Variants in FRMD4A observed in about 807,000 individuals in gnomAD.
FRMD4A encodes the protein FERM domain-containing protein 4A.
Under a neutral mutation model 129.1 loss-of-function variants are expected in FRMD4A, and 29 were observed. That is an observed-to-expected ratio of 0.22 (90% CI 0.17 to 0.31). The LOEUF (loss-of-function observed/expected upper bound fraction) is 0.31, where lower values mean the gene tolerates loss of function less well. Among genes scored for constraint, FRMD4A ranks in the 10% least tolerant of loss-of-function variants. FRMD4A has a pLI of 1.00. For missense variants in FRMD4A, 1,272 were observed against 1,375.8 expected (o/e 0.92, Z 1.19); for synonymous variants, 634 against 571.6 (o/e 1.11, Z -1.56).
At position 13,847,228 on chromosome 10, in the gene FRMD4A, A is replaced by T. The variant is rs542991027; in HGVS notation, c.111+11619T>A. On this transcript the variant is annotated intron_variant, in intron 3 of 24. Transcript: ENST00000357447. ...GCCACCGAGGTGTTCAGTCACAAAGACCTAGTGGGCGGCCCCAGGGGTGGG... is the reference window on the plus strand; with the variant it reads ...GCCACCGAGGTGTTCAGTCACAAAGTCCTAGTGGGCGGCCCCAGGGGTGGG... Among the ~76,000 whole-genome samples the T allele has an allele frequency of 2.4e-4, 36 of 152,220 alleles. 1 individual carries two copies. The South Asian group carries it at 7.5e-3, about 32-fold the overall frequency.
chr10:14,196,164 T>TAC (rs10536108), intron 2 of FRMD4A, among the ~76,000 whole-genome samples: 2,583 of 149,566 alleles, frequency 0.017, 34 homozygotes, highest in African/African-American at 0.043. Context: ...TGCACACACA[T>TAC]ACACACACAC....
chr10:13,696,993 T>C (rs2086285366), intron 14 of FRMD4A, among the ~76,000 whole-genome samples: 1 of 152,208 alleles, frequency 6.6e-6, no homozygotes, highest in South Asian at 2.1e-4. Flanking sequence ...ACCAGATATT[T>C]TGGGGACCTC....
intron 2 of FRMD4A, chr10:13,971,824 C>T: frequency 2.3e-6 from 3 of 1,304,188 alleles, no homozygotes; most frequent in Non-Finnish European, 3.0e-6. Flanking sequence ...CTGCCGCCAA[C>T]CCTCTGGTCC....
intron 2 of FRMD4A, among the ~76,000 whole-genome samples, chr10:14,242,482 TA>T (rs1256232985): frequency 6.6e-6 from 1 of 152,206 alleles, no homozygotes; most frequent in African/African-American, 2.4e-5. Context: ...CCCGCAGGTA[TA>T]AGTAGTATAT....
At chr10:14,083,146 AG>A (rs1279952386) in intron 2 of FRMD4A, 1 of 152,220 alleles carries the variant, frequency 6.6e-6, no homozygotes, top group Non-Finnish European at 1.5e-5. Flanking sequence ...CCTTGTCACA[AG>A]CACCTCAGGT....
At chr10:14,218,526 C>T (rs1843143728) in intron 2 of FRMD4A, among the ~76,000 whole-genome samples, 1 of 152,164 alleles carries the variant, frequency 6.6e-6, no homozygotes, top group Non-Finnish European at 1.5e-5. Flanking sequence ...ATGTGATTCG[C>T]TTACATTGCG....
chr10:13,663,617 C>T, intron 18 of FRMD4A, 108 bp from the exon 19 acceptor site: 1 of 692,094 alleles, frequency 1.4e-6, no homozygotes, highest in Non-Finnish European at 2.7e-6. Context: ...CTCTTCCTAA[C>T]CAGAAACAAC....
At chr10:13,685,985 C>A (rs978593273) in intron 15 of FRMD4A, among the ~76,000 whole-genome samples, 1 of 152,190 alleles carries the variant, frequency 6.6e-6, no homozygotes. Context: ...ACTCTGTCTC[C>A]CTCTCAATTT....
At chr10:13,970,776 A>G (rs552576942) in intron 2 of FRMD4A, among the ~76,000 whole-genome samples, 6 of 152,324 alleles carry the variant, frequency 3.9e-5, no homozygotes, top group Admixed American at 6.5e-5. Context: ...CTCCGCGGCC[A>G]GCAGGGACGT....
intron 2 of FRMD4A, among the ~76,000 whole-genome samples, chr10:13,922,088 G>A (rs1158989048): frequency 6.6e-6 from 1 of 152,152 alleles, no homozygotes; most frequent in Non-Finnish European, 1.5e-5. Context: ...ACAGCAAGAA[G>A]GTGGCCGTCT....
At chr10:13,755,761 C>T (rs142942602) in intron 8 of FRMD4A, among the ~76,000 whole-genome samples, 25 of 152,308 alleles carry the variant, frequency 1.6e-4, no homozygotes, top group African/African-American at 3.8e-4. Flanking sequence ...ATTTCTTAGC[C>T]GACACTCACT....
intron 3 of FRMD4A, among the ~76,000 whole-genome samples, chr10:13,835,428 C>T (rs2093857184): frequency 6.6e-6 from 1 of 152,160 alleles, no homozygotes; most frequent in African/African-American, 2.4e-5. Context: ...ACCCCCAGGG[C>T]CACGGACCAG....
chr10:13,963,823 G>A lies in FRMD4A; in HGVS notation c.46-104911C>T, dbSNP rs536297366. 2.0e-5 allele frequency among the ~76,000 whole-genome samples: 3 copies of A among 152,226 alleles called. No homozygotes were observed. The South Asian group carries it at 6.2e-4, about 32-fold the overall frequency. On this transcript the variant is annotated intron_variant, in intron 2 of 24. Coordinates refer to ENST00000357447, the MANE Select transcript of FRMD4A (RefSeq NM_018027.5). ...ATTCAGTATCTATAGGTCATTGCAG[G>A]CCTGGCTCTGTGGTCTCCAGACAGC... is the stretch of plus-strand genomic sequence containing the variant.
chr10:13,885,317 A>C (rs551547952), intron 2 of FRMD4A, among the ~76,000 whole-genome samples: 1 of 152,346 alleles, frequency 6.6e-6, no homozygotes, highest in African/African-American at 2.4e-5. Flanking sequence ...AAAGCAACCA[A>C]GGCTCAGAGA....
At chr10:14,188,606 T>A (rs1438784722) in intron 2 of FRMD4A, among the ~76,000 whole-genome samples, 1 of 152,218 alleles carries the variant, frequency 6.6e-6, no homozygotes, top group Non-Finnish European at 1.5e-5. Context: ...AGACATTAGC[T>A]TTCTTCAAAG....
intron 2 of FRMD4A, among the ~76,000 whole-genome samples, chr10:14,274,861 T>C (rs1338908990): frequency 6.6e-6 from 1 of 152,214 alleles, no homozygotes; most frequent in African/African-American, 2.4e-5. Flanking sequence ...AGGAGTCACC[T>C]GACCCTTCCT....
chr10:14,233,235 C>A (rs1843694435), intron 2 of FRMD4A, among the ~76,000 whole-genome samples: 1 of 152,118 alleles, frequency 6.6e-6, no homozygotes, highest in Non-Finnish European at 1.5e-5. Flanking sequence ...AAATACATAT[C>A]CTCAGAAGCA....
intron 2 of FRMD4A, among the ~76,000 whole-genome samples, chr10:14,031,070 G>T (rs578080324): frequency 6.6e-5 from 10 of 152,262 alleles, no homozygotes; most frequent in Non-Finnish European, 1.2e-4. Context: ...CTTGCCATCT[G>T]TCACTTACTG....
At chr10:13,822,541 A>G (rs1564859912) in intron 3 of FRMD4A, among the ~76,000 whole-genome samples, 1 of 152,192 alleles carries the variant, frequency 6.6e-6, no homozygotes, top group Non-Finnish European at 1.5e-5. Flanking sequence ...GACAGAATAA[A>G]GGGTGGCATA....
Sources: gnomAD v4.1 joint callset for allele counts (sites outside exome capture counted in the v4.1 genomes callset) on GRCh38, gnomAD v4.1.1 for gene constraint, MANE v1.5 for transcripts, NCBI Gene and HGNC (gene_info 2026-07-23, HGNC 2026-07-21) for gene names.